Variants in POGLUT3 observed in about 807,000 individuals in gnomAD.
POGLUT3 encodes the protein protein O-glucosyltransferase 3, also known as KDEL (Lys-Asp-Glu-Leu) containing 2.
In POGLUT3, 48 loss-of-function variants were observed where a neutral mutation model predicts 54.3. That is an observed-to-expected ratio of 0.88 (90% CI 0.70 to 1.12). POGLUT3 has a LOEUF of 1.12. Among genes scored for constraint, POGLUT3 ranks in the 50% most tolerant of loss-of-function variants. The pLI is 0.00. For missense variants in POGLUT3, 629 were observed against 618.7 expected (o/e 1.02, Z -0.18); for synonymous variants, 218 against 237.4 (o/e 0.92, Z 0.75).
intron 2 of POGLUT3, chr11:108,486,794 T>G: frequency 9.9e-6 from 2 of 201,298 alleles, no homozygotes; most frequent in Non-Finnish European, 2.0e-5. Flanking sequence ...AAACCAAAAA[T>G]AAAATTCTAA....
At position 108,486,207 on chromosome 11, in the gene POGLUT3, T is replaced by C. The variant is rs760361730; in HGVS notation, c.634A>G (p.Thr212Ala). ...TCATCAGAGAACATCTTGAAGTCTG[T>C]GTATTTCCCTAAAGATCTCCGGTAA... ...HVYRRSLGKY[T>A]DFKMFSDEIL... The change falls in exon 3 of 8, where the codon ACA becomes GCA. Residue 212 changes from threonine to alanine, a missense_variant. By Grantham distance (58) the Thr-to-Ala change is moderately conservative. Transcript: ENST00000323468. 1.2e-6 allele frequency: 2 copies of C among 1,613,804 alleles called. No individual in the cohort carries two copies. Among genetic ancestry groups the C allele is most frequent in the Non-Finnish European group, 1.7e-6 (2 of 1,179,684 alleles).
chr11:108,496,492 G>T (rs1331641536), intron 1 of POGLUT3, among the ~76,000 whole-genome samples: 1 of 152,086 alleles, frequency 6.6e-6, no homozygotes, highest in Admixed American at 6.6e-5. Context: ...TGTGAGAGAT[G>T]ATATCACCTA....
intron 1 of POGLUT3, 166 bp from the exon 2 acceptor site, chr11:108,491,333 G>T: frequency 1.6e-6 from 1 of 618,414 alleles, no homozygotes; most frequent in South Asian, 2.0e-5. Flanking sequence ...GAACTGTCAT[G>T]TCTGGTTCAT....
At chr11:108,476,410 G>C (rs983430045) in intron 7 of POGLUT3, among the ~76,000 whole-genome samples, 2 of 152,086 alleles carry the variant, frequency 1.3e-5, no homozygotes, top group African/African-American at 4.8e-5. Context: ...TGGGATTACA[G>C]GTGTGAGCCA....
At chr11:108,491,999 C>T (rs1011195641) in intron 1 of POGLUT3, among the ~76,000 whole-genome samples, 51 of 151,948 alleles carry the variant, frequency 3.4e-4, no homozygotes, top group African/African-American at 1.2e-3. Flanking sequence ...TTATTAAGCC[C>T]AAATTTCAAG....
At chr11:108,488,795 G>A (rs76355176) in intron 2 of POGLUT3, among the ~76,000 whole-genome samples, 1,667 of 152,268 alleles carry the variant, frequency 0.011, 37 homozygotes, top group African/African-American at 0.038. Context: ...TTTGCCACCT[G>A]AGTGTTCATA....
In POGLUT3 at chr11:108,490,992, A is replaced by T; in HGVS notation, c.378T>A (p.Ala126=). 6.2e-7 allele frequency: 1 copy of T among 1,613,968 alleles called. No homozygotes were observed. The highest frequency in any genetic ancestry group is 8.5e-7 in the Non-Finnish European group (1 of 1,179,834). The change falls in exon 2 of 8, where the codon GCT becomes GCA. Residue 126 remains alanine (A), a synonymous_variant. Coordinates refer to ENST00000323468, the MANE Select transcript of POGLUT3 (RefSeq NM_153705.5). ...IEVLYGDEHV[A]QSPYILKGPV... ...TACCTTTCAAAATATAGGGAGACTG[A>T]GCCACATGTTCATCACCATAAAGGA...
intron 4 of POGLUT3, 93 bp downstream of exon 4, chr11:108,481,913 T>C (rs1198572704): frequency 3.1e-6 from 3 of 968,844 alleles, no homozygotes; most frequent in Non-Finnish European, 3.1e-6. Flanking sequence ...ACAAGACTTT[T>C]TCTAATATGC....
At position 108,490,962 on chromosome 11, in the gene POGLUT3, T is replaced by A. The variant is rs376417361; in HGVS notation, c.400+8A>T. On this transcript the variant is annotated splice_region_variant and intron_variant, in intron 2 of 7. Transcript: ENST00000323468. ...AGGCTGACTCTGGAGTATATAATAA[T>A]CACTTACCTTTCAAAATATAGGGAG... 1.2e-6 allele frequency: 2 copies of A among 1,609,950 alleles called. No homozygotes were observed. Among genetic ancestry groups the A allele is most frequent in the African/African-American group, 1.3e-5 (1 of 74,972 alleles).
intron 1 of POGLUT3, among the ~76,000 whole-genome samples, chr11:108,491,724 A>C (rs752139327): frequency 1.3e-5 from 2 of 152,196 alleles, no homozygotes; most frequent in African/African-American, 2.4e-5. Context: ...CAGACTCAAC[A>C]TTTGAATCAT....
Position 108,474,318 on chromosome 11 carries a change from G to A in POGLUT3, c.*509C>T, listed in dbSNP as rs1056433213. 1 of 152,106 alleles carries A rather than the reference G, an allele frequency of 6.6e-6. No homozygotes were observed. Among genetic ancestry groups the A allele is most frequent in the Non-Finnish European group, 1.5e-5 (1 of 68,032 alleles). 9.4% of individuals were successfully genotyped at this position (152,106 alleles called of 1,614,324 possible). ...TTAATATTCAATGATATTTGGTAAT[G>A]CTTGTTCAAATACAGGTTGAACATT... On this transcript the variant is annotated 3_prime_UTR_variant, in exon 8 of 8. Coordinates refer to ENST00000323468, the MANE Select transcript of POGLUT3 (RefSeq NM_153705.5).
chr11:108,489,987 G>A (rs896606355), intron 2 of POGLUT3, among the ~76,000 whole-genome samples: 1 of 152,116 alleles, frequency 6.6e-6, no homozygotes, highest in Non-Finnish European at 1.5e-5. Context: ...CCTGAGCTCA[G>A]GTGATCCTCT....
rs1409505760 is a variant in POGLUT3, at chr11:108,482,136, T to C, written c.771A>G (p.Ile257Met). ...HRKVNGTPSP[I>M]PIISWCGSLD... The stretch of plus-strand genomic sequence containing the variant: ...GAGAGCCACACCATGAAATGATAGG[T>C]ATGGGGCTAGGGGTTCCATTGACTT... Residue 257 changes from isoleucine to methionine, a missense_variant, in exon 4 of 8, where the codon ATA (isoleucine) becomes ATG (methionine). Physicochemically the swap from Ile to Met is conservative, Grantham distance 10. Transcript: ENST00000323468. 3 of 1,614,036 alleles carry C rather than the reference T, an allele frequency of 1.9e-6. No homozygotes were observed. Among genetic ancestry groups the C allele is most frequent in the Non-Finnish European group, 1.7e-6 (2 of 1,179,968 alleles).
chr11:108,484,029 T>C (rs1434834689), intron 3 of POGLUT3, among the ~76,000 whole-genome samples: 2 of 151,880 alleles, frequency 1.3e-5, no homozygotes, highest in Non-Finnish European at 2.9e-5. Flanking sequence ...CACTGTGGAG[T>C]AGGGTTTCTC....
chr11:108,497,360 C>T (rs1241016433), intron 1 of POGLUT3, among the ~76,000 whole-genome samples: 1 of 152,232 alleles, frequency 6.6e-6, no homozygotes, highest in African/African-American at 2.4e-5. Flanking sequence ...ATGTTCCCAG[C>T]TGGACTAGCA....
At chr11:108,492,575 T>C (rs1265600078) in intron 1 of POGLUT3, among the ~76,000 whole-genome samples, 2 of 152,248 alleles carry the variant, frequency 1.3e-5, no homozygotes, top group African/African-American at 2.4e-5. Context: ...AATATCTACT[T>C]TCTTTTGATC....
At chr11:108,494,043 T>A (rs1591646194) in intron 1 of POGLUT3, among the ~76,000 whole-genome samples, 1 of 152,206 alleles carries the variant, frequency 6.6e-6, no homozygotes, top group East Asian at 1.9e-4. Flanking sequence ...GAGACTTTCA[T>A]ATGTATTTTC....
intron 1 of POGLUT3, among the ~76,000 whole-genome samples, chr11:108,496,594 AT>A (rs1343902125): frequency 6.6e-6 from 1 of 151,296 alleles, no homozygotes; most frequent in Non-Finnish European, 1.5e-5. Flanking sequence ...TAGAGTCGGA[AT>A]TATTTTACCT....
At chr11:108,493,797 C>G (rs1211292788) in intron 1 of POGLUT3, among the ~76,000 whole-genome samples, 1 of 117,988 alleles carries the variant, frequency 8.5e-6, no homozygotes, top group Non-Finnish European at 1.7e-5. Flanking sequence ...AAGCTAGACT[C>G]TGTCTCAAAA....
Sources: allele counts gnomAD v4.1 joint callset (sites outside exome capture counted in the v4.1 genomes callset), GRCh38; gene constraint gnomAD v4.1.1; transcripts MANE v1.5; gene names NCBI Gene and HGNC (gene_info 2026-07-23, HGNC 2026-07-21).